Variants in LRRC7 observed in about 807,000 individuals in gnomAD.
LRRC7 encodes leucine rich repeat containing 7.
In LRRC7, 23 loss-of-function variants were observed where a neutral mutation model predicts 175.7. That is an observed-to-expected ratio of 0.13 (90% CI 0.09 to 0.19). The LOEUF (loss-of-function observed/expected upper bound fraction) is 0.19, where lower values mean the gene tolerates loss of function less well. Among genes scored for constraint, LRRC7 ranks in the 10% least tolerant of loss-of-function variants. LRRC7 has a pLI of 1.00. For synonymous variants in LRRC7, 685 were observed against 680.9 expected, an observed-to-expected ratio of 1.01 and a Z score of -0.09; for missense variants, 1,354 against 1,904.7, an observed-to-expected ratio of 0.71 and a Z score of 5.38.
chr1:69,663,547 T>A (rs1657795044), intron 1 of LRRC7, among the ~76,000 whole-genome samples: 1 of 152,090 alleles, frequency 6.6e-6, no homozygotes, highest in Admixed American at 6.5e-5. Context: ...CACTCTATTG[T>A]ACTAGCAAAT....
Position 70,076,120 on chromosome 1 carries a change from A to G in LRRC7, c.4274A>G (p.Gln1425Arg). The G allele has an allele frequency of 1.2e-6, 2 of 1,614,026 alleles. No homozygotes were observed. The highest frequency in any genetic ancestry group is 1.7e-6 in the Non-Finnish European group (2 of 1,179,974). Residue 1425 changes from glutamine to arginine, a missense_variant, in exon 24 of 27, where the codon CAG (glutamine) becomes CGG (arginine). Physicochemically the swap from Gln to Arg is conservative, Grantham distance 43. Coordinates refer to ENST00000651989, the MANE Select transcript of LRRC7 (RefSeq NM_001370785.2). ...IQTLMGSQSL[Q>R]HRSREQQPYE... is the part of the protein sequence containing the mutation. ...ACGTTGATGGGGTCCCAAAGCCTTC[A>G]GCATCGCAGCCGGGAGCAGCAGCCG...
At chr1:69,746,993 C>T (rs1180143769) in intron 2 of LRRC7, among the ~76,000 whole-genome samples, 2 of 152,144 alleles carry the variant, frequency 1.3e-5, no homozygotes, top group African/African-American at 4.8e-5. Flanking sequence ...TAGCCATTTT[C>T]TCCTTGTGCC....
intron 9 of LRRC7, among the ~76,000 whole-genome samples, chr1:69,985,294 A>G (rs2101896367): frequency 6.6e-6 from 1 of 152,356 alleles, no homozygotes; most frequent in Admixed American, 6.5e-5. Flanking sequence ...TCCTTCAAAA[A>G]GGGCCATTGA....
At chr1:69,950,995 T>C (rs911281302) in intron 8 of LRRC7, among the ~76,000 whole-genome samples, 1 of 150,702 alleles carries the variant, frequency 6.6e-6, no homozygotes, top group Middle Eastern at 3.2e-3. Flanking sequence ...GTCTAAATAA[T>C]AGAGAGTAAA....
At position 69,891,442 on chromosome 1, in the gene LRRC7, T is replaced by G. The variant is rs146295306; in HGVS notation, c.648-40065T>G. ...CAATAGTAGTAACATCAAATATCAC[T>G]GATCATTGGCTGGGCATGGTGGCTC... is the stretch of plus-strand genomic sequence containing the variant. On this transcript the variant is annotated intron_variant, in intron 7 of 26. Transcript: ENST00000651989. Among the ~76,000 whole-genome samples the G allele has an allele frequency of 6.1e-3, 925 of 152,278 alleles. 10 individuals are homozygous for G. The highest frequency in any genetic ancestry group is 0.022 in the African/African-American group (896 of 41,564).
intron 7 of LRRC7, among the ~76,000 whole-genome samples, chr1:69,895,089 A>G (rs967240175): frequency 6.6e-6 from 1 of 152,094 alleles, no homozygotes; most frequent in Middle Eastern, 3.2e-3. Context: ...AAAATTAGCC[A>G]GGCGTGGTGG....
At chr1:69,948,052 G>A (rs374979827) in intron 8 of LRRC7, among the ~76,000 whole-genome samples, 8 of 152,084 alleles carry the variant, frequency 5.3e-5, no homozygotes, top group Admixed American at 6.6e-5. Context: ...GCATGAATAC[G>A]TTGGACGAAG....
intron 2 of LRRC7, among the ~76,000 whole-genome samples, chr1:69,754,192 A>T (rs1670154735): frequency 6.6e-6 from 1 of 152,078 alleles, no homozygotes; most frequent in African/African-American, 2.4e-5. Context: ...GAGTCATTGA[A>T]GTATTTGCAG....
intron 3 of LRRC7, among the ~76,000 whole-genome samples, chr1:69,786,567 T>G (rs1220921598): frequency 2.6e-5 from 4 of 152,144 alleles, no homozygotes; most frequent in Admixed American, 2.6e-4. Flanking sequence ...TTGTTGGACT[T>G]ATGGTTCTAC....
chr1:69,768,356 G>T (rs993639438), intron 3 of LRRC7, among the ~76,000 whole-genome samples: 2 of 152,078 alleles, frequency 1.3e-5, no homozygotes, highest in African/African-American at 2.4e-5. Flanking sequence ...CTCTGCCCCT[G>T]GCTTGCTCCT....
Position 69,678,434 on chromosome 1 carries a change from G to T in LRRC7, c.56G>T (p.Cys19Phe). Reference sequence around the variant, plus strand: ...CCCCCGCAATACCAGAGAAGTCCTTGTAAAGAGGTTCGTGCAGCACTTCGG... The same window carrying T: ...CCCCCGCAATACCAGAGAAGTCCTTTTAAAGAGGTTCGTGCAGCACTTCGG... ...RNPPQYQRSP[C>F]KEVRAALRKR... Residue 19 changes from cysteine (C) to phenylalanine (F), a missense_variant, in exon 2 of 27, where the codon TGT becomes TTT. Cys to Phe is a radical substitution (Grantham distance 205). Coordinates refer to ENST00000651989, the MANE Select transcript of LRRC7 (RefSeq NM_001370785.2). 1 of 1,605,772 alleles carries T rather than the reference G, an allele frequency of 6.2e-7. No homozygotes were observed. The highest frequency in any genetic ancestry group is 2.2e-5 in the East Asian group (1 of 44,712).
At chr1:70,048,178 A>G (rs1453474299) in intron 22 of LRRC7, among the ~76,000 whole-genome samples, 2 of 152,148 alleles carry the variant, frequency 1.3e-5, no homozygotes, top group Non-Finnish European at 2.9e-5. Context: ...TCAAACCAGC[A>G]TTTTTAATAT....
intron 24 of LRRC7, among the ~76,000 whole-genome samples, chr1:70,084,921 G>A (rs1576117): frequency 0.15 from 23,386 of 151,888 alleles, 2,874 homozygotes; most frequent in African/African-American, 0.33. Flanking sequence ...ATTTTCATAT[G>A]CTTTTTGAAT....
At chr1:69,777,022 T>G (rs957139388) in intron 3 of LRRC7, among the ~76,000 whole-genome samples, 23 of 152,196 alleles carry the variant, frequency 1.5e-4, no homozygotes, top group Admixed American at 1.3e-3. Flanking sequence ...GGATTGAATT[T>G]TAGCTTTCTA....
intron 4 of LRRC7, among the ~76,000 whole-genome samples, chr1:69,819,027 A>G (rs1231083171): frequency 6.6e-6 from 1 of 151,932 alleles, no homozygotes; most frequent in African/African-American, 2.4e-5. Flanking sequence ...TATCTTCTCA[A>G]AAAAAACAAA....
intron 3 of LRRC7, among the ~76,000 whole-genome samples, chr1:69,783,150 C>G (rs780392441): frequency 1.3e-5 from 2 of 152,182 alleles, no homozygotes; most frequent in Non-Finnish European, 2.9e-5. Flanking sequence ...GCCTCTTGGG[C>G]TTTTCTGCAC....
intron 5 of LRRC7, among the ~76,000 whole-genome samples, chr1:69,829,502 T>C (rs1007488455): frequency 4.0e-5 from 6 of 151,858 alleles, no homozygotes; most frequent in South Asian, 4.1e-4. Flanking sequence ...TTTTGAAATG[T>C]AAAATTAATT....
rs961039138 is a variant in LRRC7 at position 70,018,606 on chromosome 1, A to T, written c.1321-113A>T. The T allele has an allele frequency of 1.3e-5, 7 of 533,864 alleles. No homozygotes were observed. The South Asian group carries it at 2.8e-4, about 21-fold the overall frequency. The allele number at this position is 533,864 out of a possible 1,614,324, so 33.1% of individuals were successfully genotyped here. On this transcript the variant is annotated intron_variant, in intron 14 of 26. Coordinates refer to ENST00000651989, the MANE Select transcript of LRRC7 (RefSeq NM_001370785.2). ...ATTTCATGTTGTAATTTCTTATTTT[A>T]TTTCTTTTTTCACTTTTTCCCCCCA...
chr1:70,113,961 TGTGCCTAAGAGA>T (rs1056416273), intron 26 of LRRC7, among the ~76,000 whole-genome samples: 69 of 152,296 alleles, frequency 4.5e-4, no homozygotes, highest in African/African-American at 1.6e-3. Context: ...GGGCCATGTA[TGTGCCTAAGAGA>T]GTGTTGATGT....
Sources: gnomAD v4.1 joint callset for allele counts (sites outside exome capture counted in the v4.1 genomes callset) on GRCh38, gnomAD v4.1.1 for gene constraint, MANE v1.5 for transcripts, NCBI Gene and HGNC (gene_info 2026-07-23, HGNC 2026-07-21) for gene names.